Variants in GLUD1 observed in about 807,000 individuals in gnomAD.
The protein encoded by GLUD1 is glutamate dehydrogenase 1, mitochondrial.
In GLUD1, 22 loss-of-function variants were observed where a neutral mutation model predicts 56.0. That is an observed-to-expected ratio of 0.39 (90% CI 0.28 to 0.56). The LOEUF is 0.56. GLUD1 is among the 20% of genes least tolerant of loss of function. The probability of loss-of-function intolerance (pLI) is 0.58; values close to 1 mark genes in which losing one functional copy is unlikely to be tolerated. For synonymous variants in GLUD1, 223 were observed against 269.9 expected, an observed-to-expected ratio of 0.83 and a Z score of 1.70; for missense variants, 451 against 732.0, an observed-to-expected ratio of 0.62 and a Z score of 4.43.
At chr10:87,058,720 G>A (rs991384413) in intron 10 of GLUD1, among the ~76,000 whole-genome samples, 6 of 152,032 alleles carry the variant, frequency 3.9e-5, no homozygotes, top group Non-Finnish European at 7.4e-5. Context: ...GTGAAACCCC[G>A]TCTCTATTAA....
chr10:87,085,677 T>G (rs551453150), intron 1 of GLUD1, among the ~76,000 whole-genome samples: 6 of 152,348 alleles, frequency 3.9e-5, no homozygotes, highest in Non-Finnish European at 4.4e-5. Context: ...TGACTTCCAC[T>G]TATGACCCCA....
At position 87,094,621 on chromosome 10, in the gene GLUD1, CGGGCGGCCAATGCCAGCCCCGGCTGCG is replaced by C; in HGVS notation, c.122_148del (p.Pro41_Ala49del). ...GGCCACCGCCTCGCTGTAGTGGCGCCGGGCGGCCAATGCCAGCCCCGGCTGCGGGGCGGCGGCGGGCTGTCCCCGGGC... is the reference window on the plus strand; with the variant it reads ...GGCCACCGCCTCGCTGTAGTGGCGCCGGGCGGCGGCGGGCTGTCCCCGGGC... On this transcript the variant is annotated inframe_deletion, in exon 1 of 13. Coordinates refer to ENST00000277865, the MANE Select transcript of GLUD1 (RefSeq NM_005271.5). This position sits in a 1 kb window ranked among gnomAD's most constrained non-coding sequence, Gnocchi z 6.6. 1 of 1,610,034 alleles carries C rather than the reference CGGGCGGCCAATGCCAGCCCCGGCTGCG, an allele frequency of 6.2e-7. No individual in the cohort carries two copies. Among genetic ancestry groups the C allele is most frequent in the Non-Finnish European group, 8.5e-7 (1 of 1,179,394 alleles).
intron 8 of GLUD1, 63 bp from the exon 9 acceptor site, chr10:87,060,304 G>C: frequency 9.5e-7 from 1 of 1,054,766 alleles, no homozygotes; most frequent in Non-Finnish European, 1.5e-6. Flanking sequence ...TCCACTGAGG[G>C]CAAGAGATGT....
intron 1 of GLUD1, among the ~76,000 whole-genome samples, chr10:87,092,164 C>A (rs1228750037): frequency 2.0e-5 from 3 of 152,152 alleles, no homozygotes; most frequent in Admixed American, 2.0e-4. Flanking sequence ...GTCTTGAACA[C>A]AAAGCATGGA....
intron 1 of GLUD1, among the ~76,000 whole-genome samples, chr10:87,091,976 A>G (rs1841520542): frequency 6.6e-6 from 1 of 152,196 alleles, no homozygotes; most frequent in South Asian, 2.1e-4. Flanking sequence ...GGATTATCCA[A>G]AGCATTTAAA....
Position 87,060,207 on chromosome 10 carries a change from G to A in GLUD1, c.1232C>T (p.Pro411Leu). 6.2e-7 allele frequency: 1 copy of A among 1,612,004 alleles called. No homozygotes were observed. Among genetic ancestry groups the A allele is most frequent in the Non-Finnish European group, 8.5e-7 (1 of 1,178,070 alleles). Residue 411 changes from proline (P) to leucine (L), a missense_variant, in exon 9 of 13, where the codon CCA becomes CTA. Coordinates refer to ENST00000277865, the MANE Select transcript of GLUD1 (RefSeq NM_005271.5). ...IAEGANGPTT[P>L]EADKIFLERN... ...CTCCAGGAAGATCTTGTCAGCTTCT[G>A]GAGTTGTTGGCCCATTGGCACCTTC...
At chr10:87,079,216 C>T (rs1206147049) in intron 1 of GLUD1, among the ~76,000 whole-genome samples, 1 of 149,492 alleles carries the variant, frequency 6.7e-6, no homozygotes, top group Non-Finnish European at 1.5e-5. Flanking sequence ...CAGATAAAGC[C>T]CACAGAAAAG....
In GLUD1 at chr10:87,094,659, G is replaced by A. The variant is rs1214388337; in HGVS notation, c.111C>T (p.Pro37=). 1.9e-6 allele frequency: 3 copies of A among 1,586,658 alleles called. No individual in the cohort carries two copies. Among genetic ancestry groups the A allele is most frequent in the African/African-American group, 2.7e-5 (2 of 74,020 alleles). ...CCAGCCCCGGCTGCGGGGCGGCGGC[G>A]GGCTGTCCCCGGGCCCAGCCCAGCA... The part of the protein sequence containing the change: ...AALLGWARGQ[P]AAAPQPGLAL... Residue 37 remains proline (P), a synonymous_variant, in exon 1 of 13, where the codon CCC becomes CCT. Coordinates refer to ENST00000277865, the MANE Select transcript of GLUD1 (RefSeq NM_005271.5). The surrounding 1 kb of genome is among the most constrained non-coding windows in gnomAD (Gnocchi z 6.6).
chr10:87,064,111 T>A (rs946237817), intron 5 of GLUD1, among the ~76,000 whole-genome samples: 9 of 152,066 alleles, frequency 5.9e-5, no homozygotes, highest in Admixed American at 1.3e-4. Context: ...GAGAGTAACA[T>A]CCTGTGTTAG....
At chr10:87,072,447 G>A (rs529369919) in intron 4 of GLUD1, among the ~76,000 whole-genome samples, 11 of 152,286 alleles carry the variant, frequency 7.2e-5, no homozygotes, top group African/African-American at 2.4e-4. Context: ...ACTCTCTGTG[G>A]AATGGGCAGT....
rs946317983 is a variant in GLUD1, at chr10:87,066,983, T to C, written c.741+1080A>G. Among the ~76,000 whole-genome samples the C allele has an allele frequency of 2.8e-4, 43 of 152,312 alleles. 1 individual carries two copies. The East Asian group carries it at 3.9e-3, about 14-fold the overall frequency. On this transcript the variant is annotated intron_variant, in intron 5 of 12. Coordinates refer to ENST00000277865, the MANE Select transcript of GLUD1 (RefSeq NM_005271.5). ...GTCCCTTTCCTTAATTCCACATATA[T>C]CCAATCCAGTTTTGCTGAGTCTCTC...
chr10:87,064,383 A>C (rs950332583), intron 5 of GLUD1, among the ~76,000 whole-genome samples: 30 of 152,340 alleles, frequency 2.0e-4, no homozygotes, highest in African/African-American at 7.0e-4. Context: ...GAGCAGGAGA[A>C]ACTAGAGACA....
At chr10:87,074,404 G>C (rs1410400250) in intron 4 of GLUD1, 147 bp downstream of exon 4, 3 of 656,466 alleles carry the variant, frequency 4.6e-6, no homozygotes, top group Non-Finnish European at 8.4e-6. Context: ...GGGAGGCTGA[G>C]ACAAGAGAAT....
chr10:87,087,722 C>A (rs972822617), intron 1 of GLUD1, among the ~76,000 whole-genome samples: 1 of 152,320 alleles, frequency 6.6e-6, no homozygotes, highest in South Asian at 2.1e-4. Context: ...TTGGGTGAAG[C>A]CACCCCCTCT....
intron 4 of GLUD1, among the ~76,000 whole-genome samples, chr10:87,071,506 T>C (rs921247405): frequency 1.6e-4 from 25 of 152,130 alleles, no homozygotes; most frequent in Non-Finnish European, 3.4e-4. Flanking sequence ...AATTCTTATA[T>C]AGAGAACAGG....
At chr10:87,053,464 A>G in intron 11 of GLUD1, 60 bp from the exon 12 acceptor site, 3 of 1,066,494 alleles carry the variant, frequency 2.8e-6, no homozygotes, top group Non-Finnish European at 4.4e-6. Context: ...GTGTCCCTGT[A>G]TAAGATGACA....
intron 5 of GLUD1, among the ~76,000 whole-genome samples, chr10:87,064,479 G>A (rs572077134): frequency 6.4e-4 from 98 of 152,224 alleles, no homozygotes; most frequent in African/African-American, 2.3e-3. Context: ...TAATAAATTT[G>A]TTGAAGCAAT....
At chr10:87,065,361 C>T (rs1728428790) in intron 5 of GLUD1, among the ~76,000 whole-genome samples, 2 of 151,938 alleles carry the variant, frequency 1.3e-5, no homozygotes, top group South Asian at 4.2e-4. Context: ...CCTGCTTCCG[C>T]CTCCCAAAGT....
At chr10:87,090,997 T>C (rs998513649) in intron 1 of GLUD1, among the ~76,000 whole-genome samples, 8 of 152,198 alleles carry the variant, frequency 5.3e-5, no homozygotes, top group Non-Finnish European at 1.2e-4. Flanking sequence ...CGGTCTTCCC[T>C]TGCATTATGT....
Sources: allele counts gnomAD v4.1 joint callset (sites outside exome capture counted in the v4.1 genomes callset), GRCh38; gene constraint gnomAD v4.1.1; non-coding constraint Gnocchi (gnomAD v3.1); transcripts MANE v1.5; gene names NCBI Gene and HGNC (gene_info 2026-07-23, HGNC 2026-07-21).